The following PAX2 variants were observed in gnomAD, a reference collection of about 807,000 sequenced individuals.
PAX2 encodes paired box protein Pax-2.
In PAX2, 9 loss-of-function variants were observed where a neutral mutation model predicts 41.7. The ratio of observed to expected loss-of-function variants is 0.22; its 90% CI spans 0.13 to 0.38. The LOEUF is 0.38. Ranked by LOEUF, PAX2 falls within the 10% of genes least tolerant of loss-of-function variation. The pLI is 1.00. For synonymous variants in PAX2, 221 were observed against 212.7 expected (o/e 1.04, Z -0.34); for missense variants, 418 against 531.6 (o/e 0.79, Z 2.10).
chr10:100,801,782 CTG>C (rs1371177106), intron 5 of PAX2, among the ~76,000 whole-genome samples: 1 of 152,244 alleles, frequency 6.6e-6, no homozygotes, highest in Non-Finnish European at 1.5e-5. Flanking sequence ...ACTGGGCCCA[CTG>C]TGTTTGGCAC....
At chr10:100,761,374 C>G (rs2133859012) in intron 3 of PAX2, among the ~76,000 whole-genome samples, 1 of 152,250 alleles carries the variant, frequency 6.6e-6, no homozygotes, top group East Asian at 1.9e-4. Context: ...TTTCCCCACC[C>G]TCGTTTCCTC....
intron 3 of PAX2, among the ~76,000 whole-genome samples, chr10:100,764,001 T>C (rs1845925352): frequency 6.6e-6 from 1 of 152,168 alleles, no homozygotes; most frequent in African/African-American, 2.4e-5. Context: ...CAGCTTAGAA[T>C]TGCACCTGGC....
chr10:100,802,081 T>C (rs1230611297), intron 5 of PAX2, among the ~76,000 whole-genome samples: 1 of 152,230 alleles, frequency 6.6e-6, no homozygotes, highest in Non-Finnish European at 1.5e-5. Flanking sequence ...AGAATGAGGC[T>C]GAACCCTCCC....
chr10:100,806,708 T>G (rs1847795902), intron 6 of PAX2, 103 bp downstream of exon 6: 9 of 971,448 alleles, frequency 9.3e-6, no homozygotes, highest in Non-Finnish European at 1.5e-5. Flanking sequence ...CAGCATTGTA[T>G]GTGTTACACA....
At chr10:100,800,304 G>C (rs1847515748) in intron 5 of PAX2, among the ~76,000 whole-genome samples, 1 of 120,446 alleles carries the variant, frequency 8.3e-6, no homozygotes, top group South Asian at 2.5e-4. Context: ...TTTTGAGACA[G>C]GGTCTCACTC....
chr10:100,746,257 C>T lies in PAX2; in HGVS notation c.-4C>T, dbSNP rs1845166901. The T allele has an allele frequency of 1.2e-6, 2 of 1,613,764 alleles. No homozygotes were observed. Among genetic ancestry groups the T allele is most frequent in the Non-Finnish European group, 8.5e-7 (1 of 1,179,794 alleles). On this transcript the variant is annotated 5_prime_UTR_variant, in exon 1 of 10. Transcript: ENST00000355243. ...CCGCGCTGCTCCCGCTCCTCTGCCT[C>T]CCCATGGATATGCACTGCAAAGCAG... is the stretch of plus-strand genomic sequence containing the variant.
chr10:100,745,929 T>C lies in PAX2; in HGVS notation c.-332T>C. Reference sequence around the variant, plus strand: ...GAGCGAGTCGCCTCCCCCGCCCAGCTTCAGCCCTGGCTGCAGCTGCAGCGC... The same window carrying C: ...GAGCGAGTCGCCTCCCCCGCCCAGCCTCAGCCCTGGCTGCAGCTGCAGCGC... On this transcript the variant is annotated 5_prime_UTR_variant, in exon 1 of 10. Coordinates refer to ENST00000355243, the MANE Select transcript of PAX2 (RefSeq NM_000278.5). The C allele has an allele frequency of 8.2e-7, 1 of 1,214,680 alleles. No individual in the cohort carries two copies. The highest frequency in any genetic ancestry group is 1.0e-6 in the Non-Finnish European group (1 of 973,666). 75.2% of individuals were successfully genotyped at this position (1,214,680 alleles called of 1,614,324 possible). A position where few individuals can be genotyped will look rare whatever the true frequency, so the allele number is the denominator to read the frequency against.
At chr10:100,804,383 C>T (rs962872187) in intron 5 of PAX2, among the ~76,000 whole-genome samples, 2 of 152,120 alleles carry the variant, frequency 1.3e-5, no homozygotes, top group African/African-American at 4.8e-5. Context: ...CATGCACACA[C>T]ATAATGTGTG....
Position 100,748,181 on chromosome 10 carries a change from G to A in PAX2, c.44-1565G>A, listed in dbSNP as rs1483445552. On this transcript the variant is annotated intron_variant, in intron 1 of 9. Coordinates refer to ENST00000355243, the MANE Select transcript of PAX2 (RefSeq NM_000278.5). The surrounding 1 kb of genome is among the most constrained non-coding windows in gnomAD (Gnocchi z 5.0). ...GGCTGAGGGGCCGGGCCCTGAGCCC[G>A]GGGAGGCTGAATTATTCATCTTTAA... The A allele has an allele frequency of 4.1e-6, 4 of 985,056 alleles. No homozygotes were observed. Among genetic ancestry groups the A allele is most frequent in the East Asian group, 2.3e-4 (2 of 8,720 alleles). The allele number at this position is 985,056 out of a possible 1,614,324, so 61.0% of individuals were successfully genotyped here. A position where few individuals can be genotyped will look rare whatever the true frequency, so the allele number is the denominator to read the frequency against.
At chr10:100,762,200 TA>T (rs55652460) in intron 3 of PAX2, among the ~76,000 whole-genome samples, 37,715 of 142,220 alleles carry the variant, frequency 0.27, 5,347 homozygotes, top group African/African-American at 0.39. Flanking sequence ...CCATCTCTAT[TA>T]AAAAAAAAAA....
chr10:100,788,792 C>A lies in PAX2; in HGVS notation c.616+7427C>A, dbSNP rs1036782695. ...GCCCAGGAGACTTGGCGAGGTTGCA[C>A]CATATTGGGTAAACAAAAACCCAGC... is the stretch of plus-strand genomic sequence containing the variant. On this transcript the variant is annotated intron_variant, in intron 5 of 9. Coordinates refer to ENST00000355243, the MANE Select transcript of PAX2 (RefSeq NM_000278.5). Among the ~76,000 whole-genome samples the A allele has an allele frequency of 2.0e-5, 3 of 152,060 alleles. No homozygotes were observed. The East Asian group carries it at 5.8e-4, about 29-fold the overall frequency.
chr10:100,735,859 A>C (rs1589794725), intron 1 of PAX2: 1 of 589,362 alleles, frequency 1.7e-6, no homozygotes, highest in East Asian at 7.8e-5. Context: ...GGGCGACGTG[A>C]AGGCTGGGGA....
At chr10:100,779,318 G>GAGCCA (rs1387566101) in intron 3 of PAX2, among the ~76,000 whole-genome samples, 180 bp from the exon 4 acceptor site, 1 of 152,228 alleles carries the variant, frequency 6.6e-6, no homozygotes, top group African/African-American at 2.4e-5. Flanking sequence ...TGGATCTGCG[G>GAGCCA]AGCCAACAGA....
chr10:100,740,913 C>G (rs1844930536), upstream of PAX2, among the ~76,000 whole-genome samples: 1 of 152,250 alleles, frequency 6.6e-6, no homozygotes, highest in African/African-American at 2.4e-5. Flanking sequence ...CTCTCTAGAC[C>G]TGCTGGCTGG....
At position 100,815,833 on chromosome 10, in the gene PAX2, C is replaced by T. The variant is rs935823861; in HGVS notation, c.919+6597C>T. Among the ~76,000 whole-genome samples, 9 of 152,316 alleles carry T rather than the reference C, an allele frequency of 5.9e-5. No homozygotes were observed. The East Asian group carries it at 1.2e-3, about 20-fold the overall frequency. ...ATCCCATGTCCTTGTCTGTGCCTAC[C>T]GGCCACCCTGTGCTGCTGGGCTGCC... On this transcript the variant is annotated intron_variant, in intron 7 of 9. Coordinates refer to ENST00000355243, the MANE Select transcript of PAX2 (RefSeq NM_000278.5).
chr10:100,824,841 G>A lies in PAX2; in HGVS notation c.1021+92G>A. 3 of 1,514,382 alleles carry A rather than the reference G, an allele frequency of 2.0e-6. No individual in the cohort carries two copies. The Admixed American group carries it at 5.0e-5, about 25-fold the overall frequency. 93.8% of individuals were successfully genotyped at this position (1,514,382 alleles called of 1,614,324 possible). A position where few individuals can be genotyped will look rare whatever the true frequency, so the allele number is the denominator to read the frequency against. On this transcript the variant is annotated intron_variant, in intron 8 of 9. Coordinates refer to ENST00000355243, the MANE Select transcript of PAX2 (RefSeq NM_000278.5). The surrounding 1 kb of genome is among the most constrained non-coding windows in gnomAD (Gnocchi z 6.6). Reference sequence around the variant, plus strand: ...TGGTCTGTAGTCTGAGGCTGGGGTGGGGGGAGACACAACGTCCCCTCCCTG... The same window carrying A: ...TGGTCTGTAGTCTGAGGCTGGGGTGAGGGGAGACACAACGTCCCCTCCCTG...
chr10:100,774,750 T>A (rs1846325499), intron 3 of PAX2, among the ~76,000 whole-genome samples: 1 of 152,238 alleles, frequency 6.6e-6, no homozygotes, highest in African/African-American at 2.4e-5. Flanking sequence ...TATGGTAGTA[T>A]TATCTTATTT....
chr10:100,778,410 C>A (rs143050624), intron 3 of PAX2, among the ~76,000 whole-genome samples: 1 of 152,216 alleles, frequency 6.6e-6, no homozygotes, highest in South Asian at 2.1e-4. Flanking sequence ...GATTAAGTCT[C>A]CCCTCCCCAC....
At position 100,829,015 on chromosome 10, in the gene PAX2, TG is replaced by T. The variant is rs994573801; in HGVS notation, c.*1403del. 3.7e-5 allele frequency: 7 copies of T among 191,038 alleles called. No individual in the cohort carries two copies. The highest frequency in any genetic ancestry group is 5.3e-5 in the Non-Finnish European group (5 of 94,102). The allele number at this position is 191,038 out of a possible 1,614,324, so 11.8% of individuals were successfully genotyped here. On this transcript the variant is annotated 3_prime_UTR_variant, in exon 10 of 10. Coordinates refer to ENST00000355243, the MANE Select transcript of PAX2 (RefSeq NM_000278.5). ...CTGTGCTGTGAGAGTCGCCGCTCGC[TG>T]GGGGGGAAGGGGGGGACACAGCTAC...
Sources: gnomAD v4.1 joint callset for allele counts (sites outside exome capture counted in the v4.1 genomes callset) on GRCh38, gnomAD v4.1.1 for gene constraint, Gnocchi (gnomAD v3.1) non-coding constraint, MANE v1.5 for transcripts, NCBI Gene and HGNC (gene_info 2026-07-23, HGNC 2026-07-21) for gene names.